Variants in ADCY8 observed in about 807,000 individuals in gnomAD.
ADCY8 encodes the protein adenylate cyclase 8.
ADCY8 carries 51 observed loss-of-function variants against 119.7 expected under a neutral mutation model. The observed-to-expected ratio is 0.43, with a 90% CI of 0.34 to 0.54. The LOEUF is 0.54. ADCY8 is among the 20% of genes least tolerant of loss of function. The pLI is 0.03. For synonymous variants in ADCY8, 665 were observed against 651.0 expected (o/e 1.02, Z -0.33); for missense variants, 1,383 against 1,598.8 (o/e 0.87, Z 2.30).
At chr8:130,972,034 C>G (rs1821938409) in intron 2 of ADCY8, among the ~76,000 whole-genome samples, 1 of 152,190 alleles carries the variant, frequency 6.6e-6, no homozygotes, top group South Asian at 2.1e-4. Flanking sequence ...TAAAACCACT[C>G]TCATAAACAG....
At chr8:130,993,215 G>T (rs1312894383) in intron 1 of ADCY8, among the ~76,000 whole-genome samples, 1 of 152,088 alleles carries the variant, frequency 6.6e-6, no homozygotes, top group Non-Finnish European at 1.5e-5. Flanking sequence ...GATAAGTAGG[G>T]TCACTATACA....
intron 8 of ADCY8, among the ~76,000 whole-genome samples, chr8:130,879,772 A>G (rs1560985): frequency 0.57 from 86,364 of 151,982 alleles, 25,185 homozygotes; most frequent in African/African-American, 0.7. Flanking sequence ...TTTAATAATG[A>G]GGAAAAAAGC....
At chr8:130,842,836 C>T (rs1817187601) in intron 11 of ADCY8, among the ~76,000 whole-genome samples, 1 of 139,406 alleles carries the variant, frequency 7.2e-6, no homozygotes, top group South Asian at 2.3e-4. Flanking sequence ...TGCACCACTG[C>T]ATTTCAGCCT....
intron 9 of ADCY8, among the ~76,000 whole-genome samples, chr8:130,860,639 T>C (rs556170990): frequency 6.6e-6 from 1 of 152,230 alleles, no homozygotes; most frequent in Non-Finnish European, 1.5e-5. Flanking sequence ...ATTTTTTTAT[T>C]TTACTTTAAG....
chr8:131,002,745 T>A (rs1004850867), intron 1 of ADCY8, among the ~76,000 whole-genome samples: 16 of 151,650 alleles, frequency 1.1e-4, no homozygotes, highest in African/African-American at 3.9e-4. Flanking sequence ...AACTGAATGA[T>A]GAAAAACCTC....
At chr8:130,842,108 C>G (rs1243383439) in intron 11 of ADCY8, among the ~76,000 whole-genome samples, 4 of 152,188 alleles carry the variant, frequency 2.6e-5, no homozygotes, top group Admixed American at 2.6e-4. Flanking sequence ...TCCTTTGATT[C>G]ATTCAAGATG....
At chr8:130,826,012 G>A (rs1010564128) in intron 12 of ADCY8, among the ~76,000 whole-genome samples, 1 of 152,126 alleles carries the variant, frequency 6.6e-6, no homozygotes, top group African/African-American at 2.4e-5. Context: ...AGACCTCCTA[G>A]GGTTATTTTC....
At chr8:130,827,534 C>G (rs1170744291) in intron 12 of ADCY8, among the ~76,000 whole-genome samples, 1 of 152,242 alleles carries the variant, frequency 6.6e-6, no homozygotes, top group African/African-American at 2.4e-5. Flanking sequence ...TCTGGCACAT[C>G]TGCTGCTGGC....
intron 1 of ADCY8, among the ~76,000 whole-genome samples, chr8:131,027,078 C>T (rs1241657175): frequency 1.3e-5 from 2 of 152,156 alleles, no homozygotes; most frequent in Non-Finnish European, 2.9e-5. Context: ...TAGCAATCTC[C>T]AATACAGTTC....
chr8:131,040,091 C>T lies in ADCY8; in HGVS notation c.243G>A (p.Pro81=), dbSNP rs747184733. 4 of 1,529,802 alleles carry T rather than the reference C, an allele frequency of 2.6e-6. No homozygotes were observed. The highest frequency in any genetic ancestry group is 3.5e-6 in the Non-Finnish European group (4 of 1,144,134). 94.8% of individuals were successfully genotyped at this position (1,529,802 alleles called of 1,614,324 possible). ...PAGGGPNHHA[P]QLSGDSALPL... is the part of the protein sequence containing the mutation. Reference sequence around the variant, plus strand: ...GCAGCGCCGAGTCGCCTGACAGCTGCGGCGCGTGGTGGTTGGGGCCGCCGC... The same window carrying T: ...GCAGCGCCGAGTCGCCTGACAGCTGTGGCGCGTGGTGGTTGGGGCCGCCGC... The change falls in exon 1 of 18, where the codon CCG becomes CCA. Residue 81 remains proline, a synonymous_variant. Coordinates refer to ENST00000286355, the MANE Select transcript of ADCY8 (RefSeq NM_001115.3).
chr8:130,893,109 A>C (rs1586541651), intron 7 of ADCY8, among the ~76,000 whole-genome samples: 3 of 152,288 alleles, frequency 2.0e-5, no homozygotes, highest in African/African-American at 7.2e-5. Flanking sequence ...AATGTTGTTA[A>C]ACTTCTGCAG....
intron 5 of ADCY8, among the ~76,000 whole-genome samples, chr8:130,934,219 T>G (rs1034706373): frequency 6.6e-6 from 1 of 152,218 alleles, no homozygotes; most frequent in African/African-American, 2.4e-5. Flanking sequence ...AAGAACTACC[T>G]GAGACTGGGT....
intron 5 of ADCY8, among the ~76,000 whole-genome samples, chr8:130,914,081 A>T (rs763043635): frequency 6.6e-6 from 1 of 152,236 alleles, no homozygotes; most frequent in Non-Finnish European, 1.5e-5. Flanking sequence ...CTGAGAAAGT[A>T]AAATGATTTT....
At chr8:130,945,123 A>G (rs1821070932) in intron 3 of ADCY8, among the ~76,000 whole-genome samples, 1 of 152,210 alleles carries the variant, frequency 6.6e-6, no homozygotes, top group Admixed American at 6.5e-5. Context: ...TGTATGTATC[A>G]AGGTTCTGCA....
At chr8:130,905,898 G>C (rs1819768144) in intron 6 of ADCY8, among the ~76,000 whole-genome samples, 1 of 152,094 alleles carries the variant, frequency 6.6e-6, no homozygotes, top group African/African-American at 2.4e-5. Context: ...ATAAAATGCA[G>C]TTTACTTTTA....
intron 2 of ADCY8, among the ~76,000 whole-genome samples, chr8:130,959,764 A>G (rs1241848359): frequency 2.0e-5 from 3 of 152,208 alleles, no homozygotes; most frequent in African/African-American, 4.8e-5. Context: ...AGAGAGCAGT[A>G]TGTGCAAAGG....
intron 11 of ADCY8, among the ~76,000 whole-genome samples, chr8:130,840,512 C>G (rs911584910): frequency 6.6e-6 from 1 of 152,108 alleles, no homozygotes; most frequent in Middle Eastern, 3.4e-3. Context: ...TTCAGAGGAG[C>G]CTTTTAAATG....
intron 1 of ADCY8, among the ~76,000 whole-genome samples, chr8:131,012,999 G>T (rs559991331): frequency 1.1e-4 from 17 of 152,246 alleles, no homozygotes; most frequent in Non-Finnish European, 2.2e-4. Context: ...TTGAATGAAT[G>T]AATTTGTCAA....
chr8:130,849,473 T>C (rs1164777776), intron 10 of ADCY8, 129 bp downstream of exon 10: 2 of 924,430 alleles, frequency 2.2e-6, no homozygotes, highest in Non-Finnish European at 3.3e-6. Flanking sequence ...TCCCTAAGCT[T>C]GGGGCTGGAC....
Sources: gnomAD v4.1 joint callset for allele counts (sites outside exome capture counted in the v4.1 genomes callset) on GRCh38, gnomAD v4.1.1 for gene constraint, MANE v1.5 for transcripts, NCBI Gene and HGNC (gene_info 2026-07-23, HGNC 2026-07-21) for gene names.